The following PPP1R14C variants were observed in gnomAD, a reference collection of about 807,000 sequenced individuals.
PPP1R14C encodes protein phosphatase 1 regulatory inhibitor subunit 14C, also known as protein phosphatase 1 regulatory subunit 14C.
Under a neutral mutation model 20.4 loss-of-function variants are expected in PPP1R14C, and 16 were observed. The ratio of observed to expected loss-of-function variants is 0.78; its 90% CI spans 0.53 to 1.19. PPP1R14C has a LOEUF of 1.19. PPP1R14C is among the 50% of genes most tolerant of loss of function. PPP1R14C has a pLI of 0.00. For synonymous variants in PPP1R14C, 91 were observed against 91.0 expected (o/e 1.00, Z 0.00); for missense variants, 211 against 220.1 (o/e 0.96, Z 0.26).
At chr6:150,248,380 C>T (rs535802883) in intron 3 of PPP1R14C, among the ~76,000 whole-genome samples, 1 of 152,262 alleles carries the variant, frequency 6.6e-6, no homozygotes, top group East Asian at 1.9e-4. Flanking sequence ...TGCAGAATCT[C>T]AGACCCCAAC....
chr6:150,231,512 G>A (rs946855578), intron 3 of PPP1R14C, among the ~76,000 whole-genome samples: 11 of 152,178 alleles, frequency 7.2e-5, no homozygotes, highest in African/African-American at 2.4e-4. Flanking sequence ...AAAGATTTCA[G>A]TGTCTCCTCT....
At chr6:150,195,562 G>A (rs914751235) in intron 1 of PPP1R14C, among the ~76,000 whole-genome samples, 1 of 152,156 alleles carries the variant, frequency 6.6e-6, no homozygotes, top group Non-Finnish European at 1.5e-5. Context: ...GCCCAGGCTG[G>A]TCTTGAGCTG....
At chr6:150,179,006 TC>T (rs1426608425) in intron 1 of PPP1R14C, among the ~76,000 whole-genome samples, 5 of 152,210 alleles carry the variant, frequency 3.3e-5, no homozygotes, top group Admixed American at 2.0e-4. Context: ...GAAGTGTTTT[TC>T]GAAGCCTGTT....
intron 3 of PPP1R14C, among the ~76,000 whole-genome samples, chr6:150,244,052 T>C (rs1092836): frequency 0.53 from 80,838 of 151,978 alleles, 23,021 homozygotes; most frequent in African/African-American, 0.75. Flanking sequence ...GAAGAAACTT[T>C]TGGAGGTGTT....
intron 1 of PPP1R14C, among the ~76,000 whole-genome samples, chr6:150,195,591 T>C (rs1230851658): frequency 1.3e-5 from 2 of 152,194 alleles, no homozygotes; most frequent in African/African-American, 2.4e-5. Flanking sequence ...CTGCCCACCT[T>C]GGCCTCCCAA....
intron 1 of PPP1R14C, among the ~76,000 whole-genome samples, chr6:150,173,024 G>A (rs775993041): frequency 2.6e-5 from 4 of 151,830 alleles, no homozygotes; most frequent in African/African-American, 9.7e-5. Context: ...TAGACCTGGA[G>A]TTTTTTTTGT....
chr6:150,189,488 G>A (rs528483115), intron 1 of PPP1R14C, among the ~76,000 whole-genome samples: 2 of 151,800 alleles, frequency 1.3e-5, no homozygotes, highest in African/African-American at 4.8e-5. Flanking sequence ...CGAGAGTCTA[G>A]CCTCTTGATT....
chr6:150,188,390 T>C (rs1777701217), intron 1 of PPP1R14C, among the ~76,000 whole-genome samples: 2 of 152,002 alleles, frequency 1.3e-5, no homozygotes, highest in Non-Finnish European at 2.9e-5. Context: ...ATTGGAATTT[T>C]AAAAAGACCC....
chr6:150,243,885 AAAT>A lies in PPP1R14C; in HGVS notation c.424-4856_424-4854del, dbSNP rs1209246858. Among the ~76,000 whole-genome samples the A allele has an allele frequency of 2.0e-5, 3 of 152,316 alleles. No homozygotes were observed. In the East Asian group the frequency reaches 5.8e-4, roughly 29 times the overall value. Reference sequence around the variant, plus strand: ...CATGCAGCAGTGTAGCTGAATCTCCAAATAATAGTGCAGAGTGAAAGAAGCCAC... The same window carrying A: ...CATGCAGCAGTGTAGCTGAATCTCCAAATAGTGCAGAGTGAAAGAAGCCAC... On this transcript the variant is annotated intron_variant, in intron 3 of 3. Coordinates refer to ENST00000361131, the MANE Select transcript of PPP1R14C (RefSeq NM_030949.3).
At chr6:150,240,282 G>A (rs1043367789) in intron 3 of PPP1R14C, among the ~76,000 whole-genome samples, 12 of 152,148 alleles carry the variant, frequency 7.9e-5, no homozygotes, top group Non-Finnish European at 1.8e-4. Flanking sequence ...AGTTGAAATA[G>A]GCCTGATATT....
intron 1 of PPP1R14C, among the ~76,000 whole-genome samples, chr6:150,206,663 C>T (rs947894800): frequency 1.3e-5 from 2 of 152,212 alleles, no homozygotes; most frequent in Non-Finnish European, 2.9e-5. Flanking sequence ...GAGCTCTCCT[C>T]TCTGCCGCAG....
At chr6:150,171,253 C>G (rs1777495974) in intron 1 of PPP1R14C, among the ~76,000 whole-genome samples, 1 of 152,228 alleles carries the variant, frequency 6.6e-6, no homozygotes, top group Admixed American at 6.5e-5. Context: ...TTGTGTTTGA[C>G]AGCTGGCTTA....
At chr6:150,190,119 C>T (rs774596621) in intron 1 of PPP1R14C, among the ~76,000 whole-genome samples, 8 of 152,168 alleles carry the variant, frequency 5.3e-5, no homozygotes, top group Non-Finnish European at 1.0e-4. Context: ...TATCCTTCTG[C>T]ATGCTATATT....
intron 1 of PPP1R14C, among the ~76,000 whole-genome samples, chr6:150,202,134 G>A (rs993864719): frequency 2.4e-4 from 36 of 152,106 alleles, no homozygotes; most frequent in African/African-American, 4.6e-4. Flanking sequence ...CTCCTCTCTC[G>A]CCTCTCTGCT....
chr6:150,162,992 A>T (rs942587609), intron 1 of PPP1R14C, among the ~76,000 whole-genome samples: 1 of 152,196 alleles, frequency 6.6e-6, no homozygotes, highest in Non-Finnish European at 1.5e-5. Context: ...TACTGGGCTC[A>T]GTTAATGCAA....
intron 3 of PPP1R14C, among the ~76,000 whole-genome samples, chr6:150,229,002 A>C (rs921979416): frequency 2.0e-5 from 3 of 152,176 alleles, no homozygotes; most frequent in African/African-American, 7.2e-5. Context: ...CAAATGATTG[A>C]CTGTGATTTT....
chr6:150,234,694 C>T (rs1778335634), intron 3 of PPP1R14C, among the ~76,000 whole-genome samples: 1 of 151,328 alleles, frequency 6.6e-6, no homozygotes, highest in Non-Finnish European at 1.5e-5. Flanking sequence ...ACTAAAAATA[C>T]AAAAATTAGC....
chr6:150,145,261 G>A (rs1253190345), intron 1 of PPP1R14C, among the ~76,000 whole-genome samples: 1 of 152,196 alleles, frequency 6.6e-6, no homozygotes, highest in African/African-American at 2.4e-5. Flanking sequence ...GTAAACATGA[G>A]CTTGAATCTT....
intron 1 of PPP1R14C, among the ~76,000 whole-genome samples, chr6:150,180,890 C>T (rs1043324156): frequency 1.3e-5 from 2 of 152,278 alleles, no homozygotes; most frequent in Admixed American, 6.5e-5. Context: ...AAGAGACAAT[C>T]TGGTACAAAT....
Sources: allele counts gnomAD v4.1 joint callset (sites outside exome capture counted in the v4.1 genomes callset), GRCh38; gene constraint gnomAD v4.1.1; transcripts MANE v1.5; gene names NCBI Gene and HGNC (gene_info 2026-07-23, HGNC 2026-07-21).